The following RFWD3 variants were observed in gnomAD, a reference collection of about 807,000 sequenced individuals.
The protein encoded by RFWD3 is E3 ubiquitin-protein ligase RFWD3.
A neutral mutation model predicts 87.7 loss-of-function variants in RFWD3; 65 were observed. The observed-to-expected ratio is 0.74, with a 90% CI of 0.61 to 0.91. RFWD3 has a LOEUF of 0.91. Ranked by LOEUF, RFWD3 falls within the 40% of genes least tolerant of loss-of-function variation. The probability of loss-of-function intolerance (pLI) is 0.00; values close to 1 mark genes in which losing one functional copy is unlikely to be tolerated. For synonymous variants in RFWD3, 433 were observed against 352.8 expected (o/e 1.23, Z -2.55); for missense variants, 1,078 against 938.5 (o/e 1.15, Z -1.94).
intron 6 of RFWD3, 131 bp from the exon 7 acceptor site, chr16:74,638,101 T>C (rs902923600): frequency 8.9e-6 from 5 of 563,308 alleles, no homozygotes; most frequent in Admixed American, 5.9e-5. Context: ...GTGAATAAAA[T>C]ATAAAAAGAG....
intron 12 of RFWD3, among the ~76,000 whole-genome samples, chr16:74,624,570 G>A (rs1958867345): frequency 6.6e-6 from 1 of 152,130 alleles, no homozygotes; most frequent in South Asian, 2.1e-4. Context: ...TAATTTTCTT[G>A]TATTTTTGGT....
intron 4 of RFWD3, among the ~76,000 whole-genome samples, chr16:74,647,449 G>A (rs574849626): frequency 6.6e-5 from 10 of 152,012 alleles, no homozygotes; most frequent in African/African-American, 1.2e-4. Context: ...CACCATATCC[G>A]GCTAATTTTT....
intron 8 of RFWD3, among the ~76,000 whole-genome samples, chr16:74,635,336 A>C (rs1164178013): frequency 1.3e-5 from 2 of 152,048 alleles, no homozygotes; most frequent in African/African-American, 4.8e-5. Context: ...GCATGGTGGC[A>C]TGCACCCGTA....
chr16:74,654,664 C>T (rs1960828961), intron 2 of RFWD3, among the ~76,000 whole-genome samples: 1 of 152,180 alleles, frequency 6.6e-6, no homozygotes, highest in African/African-American at 2.4e-5. Flanking sequence ...GTGAGGAAGG[C>T]ATGTCAAAAG....
intron 2 of RFWD3, 83 bp downstream of exon 2, chr16:74,660,849 C>T (rs556399677): frequency 7.5e-5 from 111 of 1,477,634 alleles, no homozygotes; most frequent in Admixed American, 2.1e-4. Context: ...AAAAGTCACA[C>T]TGTCAGTCCT....
At chr16:74,632,752 CT>C in intron 8 of RFWD3, 79 bp from the exon 9 acceptor site, 3 of 1,299,968 alleles carry the variant, frequency 2.3e-6, no homozygotes, top group Non-Finnish European at 3.2e-6. Flanking sequence ...CAAGTAGCTC[CT>C]TCGTCCACCT....
intron 7 of RFWD3, among the ~76,000 whole-genome samples, chr16:74,637,138 A>C (rs1406756523): frequency 3.3e-5 from 5 of 150,694 alleles, no homozygotes; most frequent in Admixed American, 1.3e-4. Context: ...AAAAAAAAAA[A>C]AAAAAAACAA....
chr16:74,637,087 G>A (rs1597423733), intron 7 of RFWD3, among the ~76,000 whole-genome samples: 1 of 126,684 alleles, frequency 7.9e-6, no homozygotes, highest in African/African-American at 3.1e-5. Context: ...TATGAGGGTT[G>A]AAAGTCCTTA....
intron 4 of RFWD3, among the ~76,000 whole-genome samples, chr16:74,645,749 T>C (rs112554305): frequency 2.2e-5 from 3 of 138,172 alleles, no homozygotes; most frequent in African/African-American, 5.5e-5. Flanking sequence ...TATTTTCTTT[T>C]TTTTTTTTTT....
At chr16:74,650,457 T>C (rs1567581486) in intron 3 of RFWD3, among the ~76,000 whole-genome samples, 2 of 151,448 alleles carry the variant, frequency 1.3e-5, no homozygotes, top group African/African-American at 4.9e-5. Context: ...TAGAGGCACA[T>C]ATGGTCTTGC....
chr16:74,630,387 C>T (rs565510245), intron 10 of RFWD3, among the ~76,000 whole-genome samples: 98 of 152,332 alleles, frequency 6.4e-4, no homozygotes, highest in Admixed American at 1.3e-3. Flanking sequence ...CGTAAGCCAC[C>T]GCACCCAGCG....
intron 6 of RFWD3, among the ~76,000 whole-genome samples, chr16:74,642,732 ATCC>A (rs1157356293): frequency 1.3e-5 from 2 of 152,180 alleles, no homozygotes; most frequent in African/African-American, 4.8e-5. Flanking sequence ...GTCTCAAGCA[ATCC>A]TCCTGCCTCG....
At position 74,666,819 on chromosome 16, in the gene RFWD3, C is replaced by CCCGCCGAAGACTCGGTAGTTACCT. The variant is rs11276299; in HGVS notation, c.-60_-37dup. On this transcript the variant is annotated 5_prime_UTR_variant, in exon 1 of 13. Coordinates refer to ENST00000361070, the MANE Select transcript of RFWD3 (RefSeq NM_018124.4). ...AGCAGGCCGCGGCCGGGCTCGCGAG[C>CCCGCCGAAGACTCGGTAGTTACCT]CCGCCGAAGACTCGGTAGTTACCTC... 1.4e-4 allele frequency: 5 copies of CCCGCCGAAGACTCGGTAGTTACCT among 35,436 alleles called. No homozygotes were observed. The highest frequency in any genetic ancestry group is 2.4e-3 in the East Asian group (1 of 424). 2.2% of individuals were successfully genotyped at this position (35,436 alleles called of 1,614,324 possible). A position where few individuals can be genotyped will look rare whatever the true frequency, so the allele number is the denominator to read the frequency against.
intron 2 of RFWD3, among the ~76,000 whole-genome samples, chr16:74,656,542 G>GCTCTGT: frequency 6.6e-6 from 1 of 152,090 alleles, no homozygotes; most frequent in South Asian, 2.1e-4. Context: ...GAGTGCAGTG[G>GCTCTGT]CATGATATTG....
At position 74,640,204 on chromosome 16, in the gene RFWD3, G is replaced by A. The variant is rs930441148; in HGVS notation, c.1080-2234C>T. On this transcript the variant is annotated intron_variant, in intron 6 of 12. Coordinates refer to ENST00000361070, the MANE Select transcript of RFWD3 (RefSeq NM_018124.4). Reference sequence around the variant, plus strand: ...GTTGCCCAGGTTGGAGTGCAGTGGCGTGATCTTGGCTCACTGCAACCTCCG... The same window carrying A: ...GTTGCCCAGGTTGGAGTGCAGTGGCATGATCTTGGCTCACTGCAACCTCCG... 6.7e-5 allele frequency among the ~76,000 whole-genome samples: 10 copies of A among 149,692 alleles called. No homozygotes were observed. In the South Asian group the frequency reaches 1.1e-3, roughly 16 times the overall value.
chr16:74,629,652 C>A (rs1022823302), intron 10 of RFWD3, among the ~76,000 whole-genome samples: 5 of 150,432 alleles, frequency 3.3e-5, no homozygotes, highest in Non-Finnish European at 5.9e-5. Context: ...AACAAAAAAA[C>A]CACTACCACC....
chr16:74,652,233 A>G lies in RFWD3; in HGVS notation c.519-111T>C, dbSNP rs554874121. 10 of 940,212 alleles carry G rather than the reference A, an allele frequency of 1.1e-5. No homozygotes were observed. The South Asian group carries it at 1.6e-4, about 15-fold the overall frequency. 58.2% of individuals were successfully genotyped at this position (940,212 alleles called of 1,614,324 possible). ...CACTTCAACCCATCTCCAGGCCATT[A>G]AATGCTGCCTTTGAAAGCTGAAGCA... On this transcript the variant is annotated intron_variant, in intron 2 of 12. Transcript: ENST00000361070.
At position 74,637,901 on chromosome 16, in the gene RFWD3, C is replaced by A. The variant is rs1487270527; in HGVS notation, c.1149G>T (p.Leu383=). The change falls in exon 7 of 13, where the codon CTG becomes CTT. Residue 383 remains leucine, a synonymous_variant. Coordinates refer to ENST00000361070, the MANE Select transcript of RFWD3 (RefSeq NM_018124.4). ...ELESAQCRLQ[L]QVLTDKCTRL... ...TAGTGCACTTATCAGTGAGGACCTG[C>A]AGTTGGAGTCGGCACTGTGCTGATT... The A allele has an allele frequency of 1.9e-6, 3 of 1,612,724 alleles. No homozygotes were observed. The South Asian group carries it at 3.3e-5, about 18-fold the overall frequency.
intron 4 of RFWD3, among the ~76,000 whole-genome samples, 163 bp from the exon 5 acceptor site, chr16:74,644,898 T>C (rs753388835): frequency 3.3e-5 from 5 of 152,216 alleles, no homozygotes; most frequent in African/African-American, 9.6e-5. Flanking sequence ...CTTTCTAGAA[T>C]GCAATGTCAC....
Sources: gnomAD v4.1 joint callset for allele counts (sites outside exome capture counted in the v4.1 genomes callset) on GRCh38, gnomAD v4.1.1 for gene constraint, MANE v1.5 for transcripts, NCBI Gene and HGNC (gene_info 2026-07-23, HGNC 2026-07-21) for gene names.